Variants in CCM2 observed in about 807,000 individuals in gnomAD.
The protein encoded by CCM2 is cerebral cavernous malformations 2 protein.
CCM2 carries 25 observed loss-of-function variants against 44.9 expected under a neutral mutation model. That is an observed-to-expected ratio of 0.56 (90% CI 0.41 to 0.78). The LOEUF (loss-of-function observed/expected upper bound fraction) is 0.78. Ranked by LOEUF, CCM2 falls within the 30% of genes least tolerant of loss-of-function variation. CCM2 has a pLI of 0.00. For missense variants in CCM2, 481 were observed against 580.6 expected, an observed-to-expected ratio of 0.83 and a Z score of 1.76; for synonymous variants, 219 against 241.1, an observed-to-expected ratio of 0.91 and a Z score of 0.85.
At chr7:45,035,422 G>A (rs1797169526) in intron 1 of CCM2, among the ~76,000 whole-genome samples, 1 of 152,178 alleles carries the variant, frequency 6.6e-6, no homozygotes, top group Admixed American at 6.6e-5. Context: ...ACCACCGGAT[G>A]TACTGAGCAG....
intron 3 of CCM2, among the ~76,000 whole-genome samples, 154 bp from the exon 4 acceptor site, chr7:45,064,309 G>A (rs1476003392): frequency 6.6e-6 from 1 of 152,180 alleles, no homozygotes; most frequent in African/African-American, 2.4e-5. Context: ...TGGTGTCCCT[G>A]GAATAAGCAC....
rs754893851 is a variant in CCM2, at chr7:45,068,532, G to A, written c.562G>A (p.Gly188Arg). ...SAGSLSESAV[G>R]PVEACCLVIL... ...AGGCTCCCTGTCGGAGAGTGCAGTTGGGCCCGTGGAGGCATGCTGCCTGGT... is the reference window on the plus strand; with the variant it reads ...AGGCTCCCTGTCGGAGAGTGCAGTTAGGCCCGTGGAGGCATGCTGCCTGGT... Residue 188 changes from glycine (G) to arginine (R), a missense_variant, in exon 5 of 10, where the codon GGG becomes AGG. Physicochemically the swap from Gly to Arg is moderately radical, Grantham distance 125. Coordinates refer to ENST00000258781, the MANE Select transcript of CCM2 (RefSeq NM_031443.4). 1 of 1,614,168 alleles carries A rather than the reference G, an allele frequency of 6.2e-7. No individual in the cohort carries two copies. Among genetic ancestry groups the A allele is most frequent in the South Asian group, 1.1e-5 (1 of 91,090 alleles).
intron 2 of CCM2, among the ~76,000 whole-genome samples, chr7:45,042,517 C>A (rs1266907356): frequency 6.6e-6 from 1 of 151,910 alleles, no homozygotes; most frequent in Non-Finnish European, 1.5e-5. Flanking sequence ...ACAACAACAA[C>A]AAAAAATCTT....
intron 1 of CCM2, among the ~76,000 whole-genome samples, chr7:45,035,917 A>G (rs10237248): frequency 0.085 from 12,970 of 152,242 alleles, 671 homozygotes; most frequent in Middle Eastern, 0.16. Context: ...TAACTGGTAT[A>G]TATTTTGCTT....
intron 2 of CCM2, among the ~76,000 whole-genome samples, chr7:45,042,392 T>G (rs553746245): frequency 6.6e-6 from 1 of 151,992 alleles, no homozygotes; most frequent in African/African-American, 2.4e-5. Flanking sequence ...AAAGATCTTA[T>G]GGGTTGAAAC....
intron 7 of CCM2, chr7:45,073,030 A>T (rs1799156245): frequency 1.6e-6 from 1 of 623,410 alleles, no homozygotes; most frequent in Admixed American, 2.4e-5. Flanking sequence ...CCCAAGAGTG[A>T]GCTTGTAATA....
intron 2 of CCM2, among the ~76,000 whole-genome samples, chr7:45,040,585 A>G (rs1797442839): frequency 6.6e-6 from 1 of 152,224 alleles, no homozygotes; most frequent in Non-Finnish European, 1.5e-5. Flanking sequence ...ACTGATGGAC[A>G]TGACTCCCCC....
chr7:45,029,310 A>T (rs1022400533), intron 1 of CCM2: 6 of 152,190 alleles, frequency 3.9e-5, no homozygotes, highest in Admixed American at 1.3e-4. Context: ...TTGTTTTATT[A>T]GATAAAACCC....
chr7:45,000,824 C>CCATT (rs1795584527), intron 1 of CCM2, among the ~76,000 whole-genome samples: 2 of 152,266 alleles, frequency 1.3e-5, no homozygotes, highest in Middle Eastern at 6.8e-3. Context: ...AGACCTAAAA[C>CCATT]CATTGATTGA....
chr7:45,068,101 C>G (rs997633072), intron 4 of CCM2: 1 of 387,428 alleles, frequency 2.6e-6, no homozygotes, highest in Non-Finnish European at 4.9e-6. Context: ...CTCAGTTTAC[C>G]CATCTGTAAG....
At chr7:45,074,996 G>A (rs931696678) in intron 9 of CCM2, among the ~76,000 whole-genome samples, 2 of 152,226 alleles carry the variant, frequency 1.3e-5, no homozygotes, top group African/African-American at 4.8e-5. Context: ...GTAGCCAGTT[G>A]AAGGCTTCTG....
chr7:44,999,963 G>A (rs2128707575), upstream of CCM2: 1 of 279,978 alleles, frequency 3.6e-6, no homozygotes, highest in East Asian at 1.4e-4. Flanking sequence ...GCGCGTTCTC[G>A]GCCGTCCTGA....
intron 2 of CCM2, among the ~76,000 whole-genome samples, chr7:45,041,782 CCT>C (rs1045647305): frequency 6.6e-6 from 1 of 152,154 alleles, no homozygotes; most frequent in African/African-American, 2.4e-5. Context: ...CCCTAAGGAA[CCT>C]TGTGTGGTTC....
At chr7:45,034,209 C>CTTT (rs869231171) in intron 1 of CCM2, among the ~76,000 whole-genome samples, 47 of 145,352 alleles carry the variant, frequency 3.2e-4, no homozygotes, top group Non-Finnish European at 5.2e-4. Flanking sequence ...TATGGAAGCA[C>CTTT]TTTTTTTTTT....
rs1487184389 is a variant in CCM2 at position 45,039,248 on chromosome 7, A to G, written c.204+822A>G. On this transcript the variant is annotated intron_variant, in intron 2 of 9. Transcript: ENST00000258781. The stretch of plus-strand genomic sequence containing the variant: ...GTACAGGGGCAGGTGGGGAGAGACC[A>G]AGACAGAAGATAAGGAAGTCAAGTC... 2.0e-5 allele frequency among the ~76,000 whole-genome samples: 3 copies of G among 152,366 alleles called. No individual in the cohort carries two copies. The East Asian group carries it at 5.8e-4, about 29-fold the overall frequency.
chr7:45,057,158 TTTTC>T (rs1033052313), intron 2 of CCM2, among the ~76,000 whole-genome samples: 17 of 151,978 alleles, frequency 1.1e-4, no homozygotes, highest in African/African-American at 2.7e-4. Flanking sequence ...GGCTCTCTTT[TTTTC>T]TTTCTTTCTT....
At chr7:45,007,135 A>G (rs980725200) in intron 1 of CCM2, among the ~76,000 whole-genome samples, 1 of 152,226 alleles carries the variant, frequency 6.6e-6, no homozygotes, top group African/African-American at 2.4e-5. Context: ...CGAGCTGCTC[A>G]GAGTGACAGG....
intron 7 of CCM2, 48 bp downstream of exon 7, chr7:45,072,831 CG>C: frequency 6.7e-7 from 1 of 1,493,954 alleles, no homozygotes; most frequent in Non-Finnish European, 9.3e-7. Context: ...GCACCAAATG[CG>C]TTGTCTGGTG....
intron 5 of CCM2, among the ~76,000 whole-genome samples, chr7:45,068,983 G>T (rs551707225): frequency 1.3e-5 from 2 of 152,180 alleles, no homozygotes; most frequent in Non-Finnish European, 2.9e-5. Flanking sequence ...GGCGGGCAGC[G>T]GCGGTCACCT....
Sources: gnomAD v4.1 joint callset for allele counts (sites outside exome capture counted in the v4.1 genomes callset) on GRCh38, gnomAD v4.1.1 for gene constraint, MANE v1.5 for transcripts, NCBI Gene and HGNC (gene_info 2026-07-23, HGNC 2026-07-21) for gene names.